Variants in ANKS6 observed in about 807,000 individuals in gnomAD.
The protein encoded by ANKS6 is ankyrin repeat and SAM domain-containing protein 6.
Under a neutral mutation model 77.9 loss-of-function variants are expected in ANKS6, and 47 were observed. The observed-to-expected ratio is 0.60, with a 90% CI of 0.48 to 0.77. The LOEUF (loss-of-function observed/expected upper bound fraction) is 0.77. Among genes scored for constraint, ANKS6 ranks in the 30% least tolerant of loss-of-function variants. The pLI is 0.00. For synonymous variants in ANKS6, 488 were observed against 501.7 expected (o/e 0.97, Z 0.37); for missense variants, 1,150 against 1,159.1 (o/e 0.99, Z 0.11).
rs1831265621 is a variant in ANKS6 at position 98,732,666 on chromosome 9, G to A, written c.*3853C>T. 2.7e-6 allele frequency: 4 copies of A among 1,504,746 alleles called. No homozygotes were observed. The highest frequency in any genetic ancestry group is 2.7e-6 in the Non-Finnish European group (3 of 1,127,192). The allele number at this position is 1,504,746 out of a possible 1,614,324, so 93.2% of individuals were successfully genotyped here. Reference sequence around the variant, plus strand: ...TGCACCGCTCCACAGTGTGAAAAGGGCTTTCTCACTTTCACATGATCCCTG... The same window carrying A: ...TGCACCGCTCCACAGTGTGAAAAGGACTTTCTCACTTTCACATGATCCCTG... On this transcript the variant is annotated 3_prime_UTR_variant, in exon 15 of 15. Transcript: ENST00000353234.
intron 13 of ANKS6, among the ~76,000 whole-genome samples, chr9:98,750,738 A>C (rs994793480): frequency 6.6e-6 from 1 of 152,202 alleles, no homozygotes; most frequent in African/African-American, 2.4e-5. Flanking sequence ...TAAGCCTATA[A>C]GTCTGCCAGT....
In ANKS6 at chr9:98,796,123, G is replaced by T; in HGVS notation, c.359+10C>A. ...CTCTGGTCCCGGGCCCCCGGGCCCC[G>T]CCGCCTCACCTGGCCGCCTGCATGA... On this transcript the variant is annotated intron_variant, in intron 1 of 14. Transcript: ENST00000353234. The T allele has an allele frequency of 7.4e-7, 1 of 1,344,168 alleles. No homozygotes were observed. The highest frequency in any genetic ancestry group is 1.8e-5 in the South Asian group (1 of 54,550). 83.3% of individuals were successfully genotyped at this position (1,344,168 alleles called of 1,614,324 possible). A position where few individuals can be genotyped will look rare whatever the true frequency, so the allele number is the denominator to read the frequency against.
Position 98,774,007 on chromosome 9 carries a change from G to C in ANKS6, c.1691C>G (p.Pro564Arg). The C allele has an allele frequency of 6.3e-7, 1 of 1,584,738 alleles. No individual in the cohort carries two copies. Among genetic ancestry groups the C allele is most frequent in the Non-Finnish European group, 8.6e-7 (1 of 1,166,542 alleles). Residue 564 changes from proline to arginine, a missense_variant, in exon 9 of 15, where the codon CCT becomes CGT. Physicochemically the swap from Pro to Arg is moderately radical, Grantham distance 103. Transcript: ENST00000353234. ...LKAVIPPFLP[P>R]SSFELWSSDR... ...AGAGCTCCACAGCTCAAAACTGGAA[G>C]GGGGTAGGAATGGGGGGATGACTGC...
At position 98,733,684 on chromosome 9, in the gene ANKS6, T is replaced by C. The variant is rs1343113122; in HGVS notation, c.*2835A>G. The stretch of plus-strand genomic sequence containing the variant: ...AGAGTAATGTGGGAGATGCTATGAG[T>C]TTCTTGGCCCTGTGAAGAGGCCTGA... On this transcript the variant is annotated 3_prime_UTR_variant, in exon 15 of 15. Coordinates refer to ENST00000353234, the MANE Select transcript of ANKS6 (RefSeq NM_173551.5). The C allele has an allele frequency of 2.0e-6, 2 of 985,188 alleles. No individual in the cohort carries two copies. Among genetic ancestry groups the C allele is most frequent in the African/African-American group, 3.5e-5 (2 of 57,182 alleles). The allele number at this position is 985,188 out of a possible 1,614,324, so 61.0% of individuals were successfully genotyped here.
Position 98,771,058 on chromosome 9 carries a change from A to T in ANKS6, c.1822-12T>A. On this transcript the variant is annotated splice_polypyrimidine_tract_variant and intron_variant, in intron 9 of 14. Transcript: ENST00000353234. The stretch of plus-strand genomic sequence containing the variant: ...GGCCTGACGGGTGTCTACAAGAATA[A>T]GGCAGGTGCAGCACTTAGGGAGGCT... The T allele has an allele frequency of 6.5e-7, 1 of 1,539,538 alleles. No homozygotes were observed. The highest frequency in any genetic ancestry group is 8.8e-7 in the Non-Finnish European group (1 of 1,140,908).
Position 98,738,442 on chromosome 9 carries a change from T to G in ANKS6, c.2512-1819A>C, listed in dbSNP as rs2131919553. Among the ~76,000 whole-genome samples, 3 of 152,088 alleles carry G rather than the reference T, an allele frequency of 2.0e-5. No individual in the cohort carries two copies. In the South Asian group the frequency reaches 6.2e-4, roughly 32 times the overall value. The stretch of plus-strand genomic sequence containing the variant: ...TGGGCTAAGGACATGAATAGACAAT[T>G]TTCAAAAGAAGATATACAAATGGCC... On this transcript the variant is annotated intron_variant, in intron 14 of 14. Transcript: ENST00000353234.
intron 4 of ANKS6, 94 bp from the exon 5 acceptor site, chr9:98,782,667 C>T: frequency 1.0e-6 from 1 of 995,392 alleles, no homozygotes; most frequent in South Asian, 1.4e-5. Context: ...AGCTCAGTCT[C>T]TGAGCATTTA....
chr9:98,763,564 C>T (rs1217236264), intron 11 of ANKS6, among the ~76,000 whole-genome samples: 2 of 151,670 alleles, frequency 1.3e-5, no homozygotes, highest in South Asian at 4.2e-4. Context: ...TCTAAGCTTC[C>T]ACCATAAGGA....
Position 98,773,948 on chromosome 9 carries a change from CT to C in ANKS6, c.1749del (p.Asp584ThrfsTer3). Reference protein sequence around the residue: ...DRSRTRHNGKADPMKTALPQR... With the variant: ...DRSRTRHNGKXDPMKTALPQR... The stretch of plus-strand genomic sequence containing the variant: ...TGGGGCAGCGCAGTCTTCATGGGGT[CT>C]GCCTTCCCGTTGTGACGCGTCCGGG... On this transcript the variant is annotated frameshift_variant, in exon 9 of 15. Transcript: ENST00000353234. LOFTEE classifies it high-confidence loss of function. The C allele has an allele frequency of 1.9e-6, 3 of 1,602,844 alleles. No individual in the cohort carries two copies. The highest frequency in any genetic ancestry group is 1.7e-6 in the Non-Finnish European group (2 of 1,176,778).
At chr9:98,773,753 T>C in intron 9 of ANKS6, 124 bp downstream of exon 9, 3 of 799,702 alleles carry the variant, frequency 3.8e-6, no homozygotes, top group Non-Finnish European at 3.6e-6. Flanking sequence ...ATATCATCCA[T>C]TCAAAAGAAA....
intron 12 of ANKS6, 92 bp downstream of exon 12, chr9:98,756,328 G>A: frequency 7.2e-7 from 1 of 1,397,750 alleles, no homozygotes; most frequent in East Asian, 2.4e-5. Flanking sequence ...ACCTAGGATG[G>A]TTATAGCAAT....
Position 98,796,073 on chromosome 9 carries a change from C to A in ANKS6, c.359+60G>T. On this transcript the variant is annotated intron_variant, in intron 1 of 14. Transcript: ENST00000353234. ...CGGGGCATCCGGCCGCCGGGGACCG[C>A]GTCTCGGGCCAGCGCCGGGCACCAC... 2.4e-6 allele frequency: 3 copies of A among 1,264,814 alleles called. No individual in the cohort carries two copies. In the East Asian group the frequency reaches 9.5e-5, roughly 40 times the overall value. The allele number at this position is 1,264,814 out of a possible 1,614,324, so 78.3% of individuals were successfully genotyped here. A position where few individuals can be genotyped will look rare whatever the true frequency, so the allele number is the denominator to read the frequency against.
At chr9:98,783,802 GCTTT>G in intron 4 of ANKS6, 147 bp downstream of exon 4, 1 of 475,474 alleles carries the variant, frequency 2.1e-6, no homozygotes, top group Non-Finnish European at 2.9e-6. Flanking sequence ...AGCCTGTGCC[GCTTT>G]TTTTTTTTTT....
Position 98,734,666 on chromosome 9 carries a change from C to G in ANKS6, c.*1853G>C. 1.1e-6 allele frequency: 1 copy of G among 933,214 alleles called. No homozygotes were observed. Among genetic ancestry groups the G allele is most frequent in the Non-Finnish European group, 1.3e-6 (1 of 782,556 alleles). The allele number at this position is 933,214 out of a possible 1,614,324, so 57.8% of individuals were successfully genotyped here. On this transcript the variant is annotated 3_prime_UTR_variant, in exon 15 of 15. Coordinates refer to ENST00000353234, the MANE Select transcript of ANKS6 (RefSeq NM_173551.5). ...TCTGGGCTGTTTAACTGGCAAGCTG[C>G]TTCCCTCTCCTAAGCATCCGTTTCC...
Position 98,790,558 on chromosome 9 carries a change from A to T in ANKS6, c.408T>A (p.Asp136Glu), listed in dbSNP as rs745577995. 6.2e-7 allele frequency: 1 copy of T among 1,611,306 alleles called. No homozygotes were observed. The highest frequency in any genetic ancestry group is 8.5e-7 in the Non-Finnish European group (1 of 1,177,938). ...VAHLLLDHGA[D>E]VNAQNRLGAS... The stretch of plus-strand genomic sequence containing the variant: ...CCCCCAGCCGGTTCTGGGCATTGAC[A>T]TCAGCCCCGTGATCCAACAGGAGGT... Residue 136 changes from aspartate to glutamate, a missense_variant, in exon 2 of 15, where the codon GAT (aspartate) becomes GAA (glutamate). By Grantham distance (45) the Asp-to-Glu change is conservative. Transcript: ENST00000353234.
chr9:98,787,155 C>T (rs2118151051), intron 2 of ANKS6, among the ~76,000 whole-genome samples: 1 of 152,288 alleles, frequency 6.6e-6, no homozygotes, highest in African/African-American at 2.4e-5. Context: ...ACAGTAAGAG[C>T]TGGGGCTCCT....
At chr9:98,789,536 C>G (rs552688194) in intron 2 of ANKS6, among the ~76,000 whole-genome samples, 2 of 151,868 alleles carry the variant, frequency 1.3e-5, no homozygotes, top group South Asian at 4.2e-4. Context: ...CAGAGGAGGT[C>G]AGGCACACTA....
intron 2 of ANKS6, among the ~76,000 whole-genome samples, chr9:98,788,075 C>A (rs936763005): frequency 6.6e-6 from 1 of 152,212 alleles, no homozygotes; most frequent in Admixed American, 6.5e-5. Context: ...CAGCCAGCAT[C>A]GAACCAAGTG....
chr9:98,732,093 C>T lies in ANKS6; in HGVS notation c.*4426G>A, dbSNP rs982383027. 10 of 203,610 alleles carry T rather than the reference C, an allele frequency of 4.9e-5. No individual in the cohort carries two copies. Among genetic ancestry groups the T allele is most frequent in the Non-Finnish European group, 8.0e-5 (8 of 99,654 alleles). 12.6% of individuals were successfully genotyped at this position (203,610 alleles called of 1,614,324 possible). ...ACAGGAACTGCTGGTTAACAAGACA[C>T]GATTAACTTGCTAGGAATGGACAAG... is the stretch of plus-strand genomic sequence containing the variant. On this transcript the variant is annotated 3_prime_UTR_variant, in exon 15 of 15. Transcript: ENST00000353234.
Sources: allele counts gnomAD v4.1 joint callset (sites outside exome capture counted in the v4.1 genomes callset), GRCh38; gene constraint gnomAD v4.1.1; transcripts MANE v1.5; gene names NCBI Gene and HGNC (gene_info 2026-07-23, HGNC 2026-07-21).